LINGO2: variants seen among roughly 807,000 people sequenced by gnomAD.
LINGO2 encodes leucine-rich repeat and immunoglobulin-like domain-containing nogo receptor-interacting protein 2.
In LINGO2, 14 loss-of-function variants were observed where a neutral mutation model predicts 30.6. That is an observed-to-expected ratio of 0.46 (90% confidence interval 0.30 to 0.72). The LOEUF (loss-of-function observed/expected upper bound fraction) is 0.72, where lower values mean the gene tolerates loss of function less well. Among genes scored for constraint, LINGO2 ranks in the 30% least tolerant of loss-of-function variants. LINGO2 has a pLI of 0.07. For missense variants in LINGO2, 729 were observed against 751.7 expected (o/e 0.97, Z 0.35); for synonymous variants, 317 against 288.5 (o/e 1.10, Z -1.00).
At chr9:28,810,554 C>T in the LINGO2 span, among the ~76,000 whole-genome samples, 1 of 151,984 alleles carries the variant, frequency 6.6e-6, no homozygotes, top group Admixed American at 6.6e-5. Flanking sequence ...CAAGAGAGTG[C>T]TGTGATTTAA....
chr9:28,018,348 A>G lies in LINGO2; in HGVS notation c.-86-5943T>C, dbSNP rs148366941. ...AAAAGCAATTCCAACAACAACAAAA[A>G]TTGACAAATGGGACCTAATTAAACT... On this transcript the variant is annotated intron_variant, in intron 4 of 5. Transcript: ENST00000379992. 6.0e-3 allele frequency among the ~76,000 whole-genome samples: 915 copies of G among 152,308 alleles called. 15 individuals carry two copies. Among genetic ancestry groups the G allele is most frequent in the African/African-American group, 0.021 (877 of 41,564 alleles).
intron 5 of LINGO2, among the ~76,000 whole-genome samples, chr9:27,980,991 T>G (rs1339800122): frequency 6.6e-6 from 1 of 151,914 alleles, no homozygotes; most frequent in Admixed American, 6.6e-5. Flanking sequence ...TTAGGAGAGT[T>G]GATCAATATT....
chr9:28,406,933 A>G (rs947487404), intron 2 of LINGO2, among the ~76,000 whole-genome samples: 8 of 152,254 alleles, frequency 5.3e-5, no homozygotes, highest in African/African-American at 1.4e-4. Flanking sequence ...CCAGACACTC[A>G]AGATAACCAC....
At chr9:29,198,941 C>A in the LINGO2 span, among the ~76,000 whole-genome samples, 1 of 152,210 alleles carries the variant, frequency 6.6e-6, no homozygotes, top group Admixed American at 6.6e-5. Flanking sequence ...CCAGTAGGGG[C>A]CTCTGAGAAA....
At chr9:28,619,181 A>T (rs1038216333) in intron 1 of LINGO2, among the ~76,000 whole-genome samples, 2 of 152,156 alleles carry the variant, frequency 1.3e-5, no homozygotes, top group Non-Finnish European at 2.9e-5. Context: ...TGAATGAATG[A>T]TGTTCAGCAT....
chr9:28,654,536 A>G (rs1056312151), intron 1 of LINGO2, among the ~76,000 whole-genome samples: 1 of 152,038 alleles, frequency 6.6e-6, no homozygotes, highest in Non-Finnish European at 1.5e-5. Flanking sequence ...TAAATTGTAA[A>G]TAAGCCGAAT....
chr9:28,512,979 T>C (rs985346549), intron 1 of LINGO2, among the ~76,000 whole-genome samples: 4 of 151,820 alleles, frequency 2.6e-5, no homozygotes, highest in Admixed American at 6.6e-5. Flanking sequence ...CACAGCCCAC[T>C]GACTCAAATG....
the LINGO2 span, among the ~76,000 whole-genome samples, chr9:28,813,043 C>T: frequency 4.1e-5 from 6 of 146,206 alleles, no homozygotes; most frequent in African/African-American, 7.6e-5. Flanking sequence ...CTGAGGCAGG[C>T]TTTGGAATTC....
the LINGO2 span, among the ~76,000 whole-genome samples, chr9:28,770,913 C>T: frequency 6.6e-5 from 10 of 152,156 alleles, no homozygotes; most frequent in Non-Finnish European, 1.0e-4. Context: ...TATGGATCTA[C>T]GTATTCAAAA....
chr9:28,951,241 C>T, the LINGO2 span, among the ~76,000 whole-genome samples: 1 of 152,056 alleles, frequency 6.6e-6, no homozygotes, highest in Non-Finnish European at 1.5e-5. Context: ...AAAATTAACT[C>T]TAGATGGATT....
At chr9:28,611,372 A>T (rs1019890274) in intron 1 of LINGO2, among the ~76,000 whole-genome samples, 7 of 151,094 alleles carry the variant, frequency 4.6e-5, no homozygotes, top group Non-Finnish European at 1.0e-4. Context: ...TGTGTGTGTG[A>T]GATGTGAGAG....
At chr9:28,097,871 CTT>C (rs1826293363) in intron 4 of LINGO2, among the ~76,000 whole-genome samples, 1 of 5,846 alleles carries the variant, frequency 1.7e-4, no homozygotes, top group Admixed American at 3.5e-3. Context: ...TACACAACCT[CTT>C]AAAAAAAATT....
the LINGO2 span, among the ~76,000 whole-genome samples, chr9:28,953,061 A>G: frequency 6.6e-6 from 1 of 152,186 alleles, no homozygotes; most frequent in African/African-American, 2.4e-5. Flanking sequence ...GGGATAAACA[A>G]TGACTGGCCA....
chr9:28,832,717 T>C, the LINGO2 span, among the ~76,000 whole-genome samples: 1 of 152,148 alleles, frequency 6.6e-6, no homozygotes, highest in African/African-American at 2.4e-5. Context: ...AGTTTCCATA[T>C]AAGAATACTG....
At chr9:29,110,554 G>T in the LINGO2 span, among the ~76,000 whole-genome samples, 1 of 151,894 alleles carries the variant, frequency 6.6e-6, no homozygotes, top group Non-Finnish European at 1.5e-5. Flanking sequence ...GGATGATCTT[G>T]ATCTCCTGAC....
chr9:28,573,343 C>A (rs1044641204), intron 1 of LINGO2, among the ~76,000 whole-genome samples: 4 of 152,134 alleles, frequency 2.6e-5, no homozygotes, highest in African/African-American at 9.7e-5. Flanking sequence ...CATGTATACA[C>A]TAATTGCATA....
chr9:27,949,099 T>G, exon 6 of LINGO2: 4 of 1,614,128 alleles, frequency 2.5e-6, no homozygotes, highest in Non-Finnish European at 3.4e-6. Flanking sequence ...CCATTGGAAA[T>G]GGTGTCATTG....
At chr9:28,687,992 G>T in the LINGO2 span, among the ~76,000 whole-genome samples, 1 of 152,114 alleles carries the variant, frequency 6.6e-6, no homozygotes, top group African/African-American at 2.4e-5. Flanking sequence ...GAGAAAAAAA[G>T]TAAACAGTTT....
chr9:28,249,451 C>G (rs1822116728), intron 4 of LINGO2, among the ~76,000 whole-genome samples: 1 of 152,000 alleles, frequency 6.6e-6, no homozygotes, highest in African/African-American at 2.4e-5. Context: ...TGATTGGCAA[C>G]AAGAATTATT....
Sources: gnomAD v4.1 joint callset for allele counts (sites outside exome capture counted in the v4.1 genomes callset) on GRCh38, gnomAD v4.1.1 for gene constraint, MANE v1.5 for transcripts, NCBI Gene and HGNC (gene_info 2026-07-23, HGNC 2026-07-21) for gene names.